Variants in ASCC1 observed in about 807,000 individuals in gnomAD.
ASCC1 encodes activating signal cointegrator 1 complex subunit 1.
In ASCC1, 35 loss-of-function variants were observed where a neutral mutation model predicts 46.6. That is an observed-to-expected ratio of 0.75 (90% CI 0.57 to 0.99). The LOEUF (loss-of-function observed/expected upper bound fraction) is 0.99, where lower values mean the gene tolerates loss of function less well. ASCC1 is among the 50% of genes least tolerant of loss of function. ASCC1 has a pLI of 0.00. For synonymous variants in ASCC1, 143 were observed against 146.6 expected, an observed-to-expected ratio of 0.98 and a Z score of 0.18; for missense variants, 376 against 428.7, an observed-to-expected ratio of 0.88 and a Z score of 1.09.
rs1841087262 is a variant in ASCC1 at position 72,096,311 on chromosome 10, G to A, written c.*1023C>T. On this transcript the variant is annotated 3_prime_UTR_variant, in exon 10 of 10. Transcript: ENST00000672957. The stretch of plus-strand genomic sequence containing the variant: ...TGAGGGAGGAGTGAGGGCCTCCTGT[G>A]GCTGACATTCTTCCAGGGAACTCTG... 2.2e-6 allele frequency: 1 copy of A among 453,964 alleles called. No individual in the cohort carries two copies. The highest frequency in any genetic ancestry group is 4.4e-6 in the Non-Finnish European group (1 of 226,760). The allele number at this position is 453,964 out of a possible 1,614,324, so 28.1% of individuals were successfully genotyped here.
rs575521344 is a variant in ASCC1, at chr10:72,157,618, G to C, written c.626+3920C>G. Among the ~76,000 whole-genome samples the C allele has an allele frequency of 3.3e-5, 5 of 152,072 alleles. No individual in the cohort carries two copies. In the South Asian group the frequency reaches 8.3e-4, roughly 25 times the overall value. On this transcript the variant is annotated intron_variant, in intron 6 of 9. Transcript: ENST00000672957. ...AGATTTACATGACAAACTTTTGATGGATCGAGAACCAGAAAAGGTTACTCT... is the reference window on the plus strand; with the variant it reads ...AGATTTACATGACAAACTTTTGATGCATCGAGAACCAGAAAAGGTTACTCT...
Position 72,196,952 on chromosome 10 carries a change from G to C in ASCC1, c.348C>G (p.Ala116=), listed in dbSNP as rs1855525702. The change falls in exon 5 of 10, where the codon GCC becomes GCG. Residue 116 remains alanine, a synonymous_variant. Coordinates refer to ENST00000672957, the MANE Select transcript of ASCC1 (RefSeq NM_001198800.3). The part of the protein sequence containing the change: ...TGQHRNGVIS[A]RTRIDVLLDT... ...CCAAAAGAACATCAATCCGTGTTCG[G>C]GCTGAAATTACACCATTTCGATGCT... 4 of 1,613,514 alleles carry C rather than the reference G, an allele frequency of 2.5e-6. No homozygotes were observed. The Admixed American group carries it at 5.0e-5, about 20-fold the overall frequency.
At chr10:72,138,425 T>C (rs941910277) in intron 7 of ASCC1, among the ~76,000 whole-genome samples, 17 of 152,156 alleles carry the variant, frequency 1.1e-4, no homozygotes, top group African/African-American at 3.9e-4. Flanking sequence ...TTTCTGACAA[T>C]TTACAGACTC....
intron 9 of ASCC1, chr10:72,102,274 C>A (rs1668154): frequency 7.0e-7 from 1 of 1,437,372 alleles, no homozygotes; most frequent in South Asian, 1.2e-5. Context: ...TGAAAGGGAG[C>A]TACTTCATGG....
At position 72,123,668 on chromosome 10, in the gene ASCC1, G is replaced by GA. The variant is rs925669594; in HGVS notation, c.957+4413dup. Among the ~76,000 whole-genome samples the GA allele has an allele frequency of 3.2e-3, 477 of 149,182 alleles. 2 individuals carry two copies. The highest frequency in any genetic ancestry group is 0.01 in the African/African-American group (421 of 40,730). On this transcript the variant is annotated intron_variant, in intron 9 of 9. Transcript: ENST00000672957. ...TCTCACCCCCCTTCTCTGTCCTCTA[G>GA]AAAAAAAAAATTGAATTTATCTTTT...
intron 6 of ASCC1, among the ~76,000 whole-genome samples, chr10:72,157,585 C>T (rs1849132298): frequency 6.6e-6 from 1 of 152,160 alleles, no homozygotes; most frequent in Admixed American, 6.5e-5. Context: ...ATTCAGCATT[C>T]TTTATTAAGA....
At chr10:72,133,224 T>C (rs778058770) in intron 7 of ASCC1, 43 bp from the exon 8 acceptor site, 9 of 1,607,676 alleles carry the variant, frequency 5.6e-6, no homozygotes, top group Non-Finnish European at 7.7e-6. Flanking sequence ...CTTAGTAAAC[T>C]TCTGAACATG....
intron 9 of ASCC1, among the ~76,000 whole-genome samples, chr10:72,108,481 G>A (rs1731720312): frequency 6.6e-6 from 1 of 152,194 alleles, no homozygotes. Context: ...TATAGAAAAT[G>A]TTATAATCCT....
intron 5 of ASCC1, among the ~76,000 whole-genome samples, chr10:72,170,346 A>AAATT (rs547340660): frequency 2.3e-4 from 35 of 152,304 alleles, no homozygotes; most frequent in African/African-American, 8.2e-4. Flanking sequence ...TAAGAAGGAC[A>AAATT]CATTATCACC....
chr10:72,129,383 T>TGAA (rs1456696463), intron 8 of ASCC1, among the ~76,000 whole-genome samples: 6 of 152,120 alleles, frequency 3.9e-5, no homozygotes, highest in Admixed American at 2.6e-4. Context: ...CATAAAGAAA[T>TGAA]GAAGCACCAG....
At chr10:72,117,245 G>A (rs1843599052) in intron 9 of ASCC1, among the ~76,000 whole-genome samples, 2 of 152,140 alleles carry the variant, frequency 1.3e-5, no homozygotes, top group African/African-American at 4.8e-5. Flanking sequence ...TATTGTGACT[G>A]GTTTCCTCTT....
At chr10:72,196,692 G>A in intron 5 of ASCC1, 119 bp downstream of exon 5, 1 of 1,024,808 alleles carries the variant, frequency 9.8e-7, no homozygotes, top group South Asian at 1.5e-5. Flanking sequence ...AAAAGAAATA[G>A]TTATCTTTTT....
rs139248125 is a variant in ASCC1, at chr10:72,099,965, C to T, written c.958-2515G>A. 9.6e-3 allele frequency among the ~76,000 whole-genome samples: 1,460 copies of T among 152,150 alleles called. 8 individuals carry two copies. The highest frequency in any genetic ancestry group is 0.014 in the Non-Finnish European group (922 of 68,002). On this transcript the variant is annotated intron_variant, in intron 9 of 9. Transcript: ENST00000672957. ...TATTTCCGTAGCAATATGGTATTTC[C>T]GTATGGTATTTCTTATGATGTTTTT...
chr10:72,215,733 C>G (rs1205614457), intron 1 of ASCC1: 2 of 152,356 alleles, frequency 1.3e-5, no homozygotes, highest in South Asian at 4.1e-4. Context: ...CTACATGGCC[C>G]TGCGCTACGA....
At chr10:72,119,889 G>C (rs1470240254) in intron 9 of ASCC1, among the ~76,000 whole-genome samples, 1 of 152,194 alleles carries the variant, frequency 6.6e-6, no homozygotes, top group Non-Finnish European at 1.5e-5. Flanking sequence ...GGATAATGCA[G>C]GCAGAGAGAT....
chr10:72,213,437 T>C, intron 1 of ASCC1, 106 bp from the exon 2 acceptor site: 1 of 680,634 alleles, frequency 1.5e-6, no homozygotes, highest in Admixed American at 2.1e-5. Flanking sequence ...GTTCACAGTA[T>C]CTCCCACACA....
chr10:72,131,333 T>A (rs6480597), intron 8 of ASCC1, among the ~76,000 whole-genome samples: 1 of 152,094 alleles, frequency 6.6e-6, no homozygotes, highest in South Asian at 2.1e-4. Context: ...GCAGGAGAAT[T>A]GCTTCAACCT....
At chr10:72,184,266 GA>G (rs1853116570) in intron 5 of ASCC1, among the ~76,000 whole-genome samples, 1 of 149,440 alleles carries the variant, frequency 6.7e-6, no homozygotes, top group Admixed American at 6.7e-5. Context: ...GAGACAGAAA[GA>G]AACAAAAAAT....
intron 9 of ASCC1, among the ~76,000 whole-genome samples, chr10:72,104,997 C>T (rs1169017310): frequency 6.6e-6 from 1 of 152,114 alleles, no homozygotes; most frequent in African/African-American, 2.4e-5. Flanking sequence ...AGATTACTTG[C>T]CCATCCCGTC....
Sources: gnomAD v4.1 joint callset for allele counts (sites outside exome capture counted in the v4.1 genomes callset) on GRCh38, gnomAD v4.1.1 for gene constraint, MANE v1.5 for transcripts, NCBI Gene and HGNC (gene_info 2026-07-23, HGNC 2026-07-21) for gene names.